Variants in VEPH1 observed in about 807,000 individuals in gnomAD.
The protein encoded by VEPH1 is ventricular zone expressed PH domain containing 1, also known as ventricular zone-expressed PH domain-containing protein homolog 1.
In VEPH1, 80 loss-of-function variants were observed where a neutral mutation model predicts 85.2. The ratio of observed to expected loss-of-function variants is 0.94; its 90% confidence interval spans 0.78 to 1.13. The LOEUF (loss-of-function observed/expected upper bound fraction) is 1.13, where lower values mean the gene tolerates loss of function less well. Ranked by LOEUF, VEPH1 falls within the 50% of genes most tolerant of loss-of-function variation. The pLI is 0.00. For missense variants in VEPH1, 955 were observed against 980.5 expected, an observed-to-expected ratio of 0.97 and a Z score of 0.35; for synonymous variants, 297 against 348.0, an observed-to-expected ratio of 0.85 and a Z score of 1.63.
chr3:157,380,169 A>G (rs1055370135), intron 7 of VEPH1, among the ~76,000 whole-genome samples: 2 of 152,074 alleles, frequency 1.3e-5, no homozygotes, highest in African/African-American at 4.8e-5. Context: ...AGCCACACCA[A>G]TGGCAGCTTC....
At chr3:157,453,696 G>A (rs1735148167) in intron 4 of VEPH1, among the ~76,000 whole-genome samples, 1 of 152,144 alleles carries the variant, frequency 6.6e-6, no homozygotes, top group Non-Finnish European at 1.5e-5. Flanking sequence ...TGTCTGGTAG[G>A]GGATGTAAGA....
At chr3:157,472,860 G>T (rs1019029340) in intron 2 of VEPH1, among the ~76,000 whole-genome samples, 2 of 151,774 alleles carry the variant, frequency 1.3e-5, no homozygotes, top group Admixed American at 6.6e-5. Context: ...TCTTTTTTAC[G>T]GTTGTGTAAT....
At chr3:157,313,987 A>T (rs1720433418) in intron 10 of VEPH1, among the ~76,000 whole-genome samples, 1 of 151,994 alleles carries the variant, frequency 6.6e-6, no homozygotes, top group South Asian at 2.1e-4. Context: ...GCTTGAGACC[A>T]GGAATTTGAG....
At chr3:157,417,767 C>G (rs925167704) in intron 5 of VEPH1, among the ~76,000 whole-genome samples, 1 of 152,166 alleles carries the variant, frequency 6.6e-6, no homozygotes, top group South Asian at 2.1e-4. Context: ...CACTAGGGTA[C>G]AAGCAGAGGC....
intron 2 of VEPH1, among the ~76,000 whole-genome samples, chr3:157,481,467 A>AC (rs60293047): frequency 6.9e-4 from 37 of 53,520 alleles, no homozygotes; most frequent in African/African-American, 1.6e-3. Flanking sequence ...CACACACACA[A>AC]AAAAAAAAAA....
At chr3:157,445,255 T>C (rs1305205394) in intron 4 of VEPH1, among the ~76,000 whole-genome samples, 4 of 152,204 alleles carry the variant, frequency 2.6e-5, no homozygotes, top group South Asian at 2.1e-4. Flanking sequence ...GAGAAAAATA[T>C]ACTTTTGTCG....
In VEPH1 at chr3:157,364,435, T is replaced by C. The variant is rs1197920926; in HGVS notation, c.1205A>G (p.His402Arg). ...TKLIVTENED[H>R]EKLQVKIQAF... ...CTGGATTTTAACTTGGAGTTTTTCATGGTCTTCATTTTCAGTTACTATGAG... is the reference window on the plus strand; with the variant it reads ...CTGGATTTTAACTTGGAGTTTTTCACGGTCTTCATTTTCAGTTACTATGAG... Residue 402 changes from histidine (H) to arginine (R), a missense_variant, in exon 8 of 14, where the codon CAT becomes CGT. Transcript: ENST00000362010. 1 of 1,614,058 alleles carries C rather than the reference T, an allele frequency of 6.2e-7. No individual in the cohort carries two copies. The highest frequency in any genetic ancestry group is 8.5e-7 in the Non-Finnish European group (1 of 1,179,960).
chr3:157,372,398 A>G (rs1727607124), intron 7 of VEPH1, among the ~76,000 whole-genome samples: 1 of 152,220 alleles, frequency 6.6e-6, no homozygotes, highest in Non-Finnish European at 1.5e-5. Context: ...GCCCTTACCT[A>G]TAGCAAAGTT....
At chr3:157,339,754 T>C (rs1414363257) in intron 9 of VEPH1, among the ~76,000 whole-genome samples, 1 of 152,126 alleles carries the variant, frequency 6.6e-6, no homozygotes, top group Non-Finnish European at 1.5e-5. Flanking sequence ...AGAATTTATA[T>C]TGAAAAAGAG....
rs571546950 is a variant in VEPH1, at chr3:157,319,056, GA to G, written c.1736-1856del. Among the ~76,000 whole-genome samples, 268 of 152,190 alleles carry G rather than the reference GA, an allele frequency of 1.8e-3. 2 individuals carry two copies. The highest frequency in any genetic ancestry group is 0.017 in the Middle Eastern group (5 of 294). Reference sequence around the variant, plus strand: ...AGTGACAGGCTTTCAGGAAAAGTTTGAAAAATCTTAGAGCGGCCAATGAGAG... The same window carrying G: ...AGTGACAGGCTTTCAGGAAAAGTTTGAAAATCTTAGAGCGGCCAATGAGAG... On this transcript the variant is annotated intron_variant, in intron 9 of 13. Transcript: ENST00000362010.
At chr3:157,333,718 C>T (rs536354378) in intron 9 of VEPH1, among the ~76,000 whole-genome samples, 12 of 152,216 alleles carry the variant, frequency 7.9e-5, no homozygotes, top group Non-Finnish European at 1.8e-4. Context: ...CCGTGATCCC[C>T]TGCAGGTACC....
At chr3:157,491,298 A>G (rs1041321051) in intron 2 of VEPH1, among the ~76,000 whole-genome samples, 1 of 152,132 alleles carries the variant, frequency 6.6e-6, no homozygotes. Flanking sequence ...TCGGTTGGGC[A>G]TGAGGTGAGC....
chr3:157,289,048 G>A (rs1717145630), intron 11 of VEPH1, among the ~76,000 whole-genome samples: 1 of 152,152 alleles, frequency 6.6e-6, no homozygotes, highest in Non-Finnish European at 1.5e-5. Context: ...AGAAGCACCT[G>A]GGAATTTTGT....
chr3:157,310,778 AATAGTACACTGG>A (rs774764221), intron 11 of VEPH1, among the ~76,000 whole-genome samples: 117 of 152,308 alleles, frequency 7.7e-4, no homozygotes, highest in Non-Finnish European at 1.5e-3. Flanking sequence ...AATTGCAGAG[AATAGTACACTGG>A]CTTTTAAAAG....
chr3:157,402,440 C>G (rs1730852308), intron 6 of VEPH1, among the ~76,000 whole-genome samples: 1 of 152,078 alleles, frequency 6.6e-6, no homozygotes, highest in Non-Finnish European at 1.5e-5. Context: ...AGTTTGCCCT[C>G]TTAAAGCAGA....
intron 13 of VEPH1, among the ~76,000 whole-genome samples, chr3:157,262,609 T>A (rs1291961459): frequency 6.6e-6 from 1 of 152,062 alleles, no homozygotes; most frequent in Non-Finnish European, 1.5e-5. Flanking sequence ...TTAAAAATAG[T>A]GTTAGGTGTT....
chr3:157,390,835 AC>A (rs1302501893), intron 6 of VEPH1, among the ~76,000 whole-genome samples: 2 of 152,186 alleles, frequency 1.3e-5, no homozygotes, highest in Non-Finnish European at 2.9e-5. Context: ...GGAGGCCCAG[AC>A]CTCAGGACTC....
At chr3:157,295,578 T>G (rs1718019359) in intron 11 of VEPH1, among the ~76,000 whole-genome samples, 1 of 96,236 alleles carries the variant, frequency 1.0e-5, no homozygotes, top group Non-Finnish European at 2.2e-5. Context: ...TGTCTCCATT[T>G]AGTCACTTCA....
chr3:157,314,330 C>CAAAAAAAAAAAAAAAAAAAAA (rs34703314), intron 10 of VEPH1, among the ~76,000 whole-genome samples: 5 of 43,200 alleles, frequency 1.2e-4, no homozygotes, highest in East Asian at 6.4e-4. Context: ...GAGGATCCGT[C>CAAAAAAAAAAAAAAAAAAAAA]AAAAAAAAAA....
Sources: gnomAD v4.1 joint callset for allele counts (sites outside exome capture counted in the v4.1 genomes callset) on GRCh38, gnomAD v4.1.1 for gene constraint, MANE v1.5 for transcripts, NCBI Gene and HGNC (gene_info 2026-07-23, HGNC 2026-07-21) for gene names.